SLC9A9: variants seen among roughly 807,000 people sequenced by gnomAD.
SLC9A9 encodes sodium/hydrogen exchanger 9.
In SLC9A9, 62 loss-of-function variants were observed where a neutral mutation model predicts 77.8. The ratio of observed to expected loss-of-function variants is 0.80; its 90% CI spans 0.65 to 0.98. The LOEUF (loss-of-function observed/expected upper bound fraction) is 0.98, where lower values mean the gene tolerates loss of function less well. SLC9A9 is among the 50% of genes least tolerant of loss of function. SLC9A9 has a pLI of 0.00. For missense variants in SLC9A9, 775 were observed against 774.9 expected (o/e 1.00, Z 0.00); for synonymous variants, 320 against 283.5 (o/e 1.13, Z -1.29).
At chr3:143,618,192 G>A (rs560042714) in intron 6 of SLC9A9, among the ~76,000 whole-genome samples, 2 of 152,276 alleles carry the variant, frequency 1.3e-5, no homozygotes, top group East Asian at 3.9e-4. Flanking sequence ...GCCCTCTTAG[G>A]GAATTCTCAA....
At chr3:143,310,023 A>G (rs1247045337) in intron 14 of SLC9A9, among the ~76,000 whole-genome samples, 2 of 152,228 alleles carry the variant, frequency 1.3e-5, no homozygotes, top group Non-Finnish European at 2.9e-5. Flanking sequence ...CACTTTTCAC[A>G]TGAACTGGCT....
chr3:143,567,746 C>T (rs919388547), intron 8 of SLC9A9, among the ~76,000 whole-genome samples: 7 of 152,114 alleles, frequency 4.6e-5, no homozygotes, highest in Admixed American at 3.3e-4. Context: ...AAAGTGAATG[C>T]AGGCCACGTG....
chr3:143,590,865 A>G (rs749681026), intron 6 of SLC9A9, among the ~76,000 whole-genome samples: 2 of 152,228 alleles, frequency 1.3e-5, no homozygotes, highest in Non-Finnish European at 2.9e-5. Context: ...CACATGCTAC[A>G]TAGAGATAAA....
At chr3:143,508,831 A>G (rs1576543800) in intron 9 of SLC9A9, among the ~76,000 whole-genome samples, 1 of 152,214 alleles carries the variant, frequency 6.6e-6, no homozygotes, top group African/African-American at 2.4e-5. Context: ...TTTACAATTT[A>G]GAAGGTGAAG....
At chr3:143,513,274 T>C (rs1270998573) in intron 9 of SLC9A9, among the ~76,000 whole-genome samples, 1 of 152,260 alleles carries the variant, frequency 6.6e-6, no homozygotes, top group Non-Finnish European at 1.5e-5. Flanking sequence ...TCTTTTGTTG[T>C]CATTTCAACA....
At chr3:143,712,494 G>A (rs1934225387) in intron 4 of SLC9A9, among the ~76,000 whole-genome samples, 1 of 152,186 alleles carries the variant, frequency 6.6e-6, no homozygotes, top group South Asian at 2.1e-4. Flanking sequence ...GGGGGTAACA[G>A]AGAAGTAAAC....
At chr3:143,539,875 TAAG>T (rs35120830) in intron 9 of SLC9A9, among the ~76,000 whole-genome samples, 1 of 123,848 alleles carries the variant, frequency 8.1e-6, no homozygotes, top group African/African-American at 3.1e-5. Flanking sequence ...AGTGAAAAAT[TAAG>T]AGAGAGAGAG....
chr3:143,794,865 A>G, intron 4 of SLC9A9, 136 bp downstream of exon 4: 2 of 807,952 alleles, frequency 2.5e-6, no homozygotes, highest in Non-Finnish European at 4.2e-6. Context: ...ATTAAGTCAG[A>G]AAAAACATAC....
rs188824199 is a variant in SLC9A9 at position 143,404,910 on chromosome 3, T to G, written c.1470-22796A>C. 1.9e-4 allele frequency among the ~76,000 whole-genome samples: 29 copies of G among 152,364 alleles called. No homozygotes were observed. The East Asian group carries it at 5.4e-3, about 28-fold the overall frequency. ...AAGATGTCCCTGGATCAGCGTAGCTTAATGTTCAGTTCGTGTTATTTTGGT... is the reference window on the plus strand; with the variant it reads ...AAGATGTCCCTGGATCAGCGTAGCTGAATGTTCAGTTCGTGTTATTTTGGT... On this transcript the variant is annotated intron_variant, in intron 12 of 15. Transcript: ENST00000316549.
At chr3:143,508,044 A>T (rs950297336) in intron 9 of SLC9A9, among the ~76,000 whole-genome samples, 11 of 152,236 alleles carry the variant, frequency 7.2e-5, no homozygotes, top group Admixed American at 4.6e-4. Context: ...GGATACAAAC[A>T]TGCAGTCCAT....
At position 143,557,987 on chromosome 3, in the gene SLC9A9, G is replaced by A. The variant is rs545182192; in HGVS notation, c.1001-5537C>T. On this transcript the variant is annotated intron_variant, in intron 8 of 15. Coordinates refer to ENST00000316549, the MANE Select transcript of SLC9A9 (RefSeq NM_173653.4). Reference sequence around the variant, plus strand: ...CCAAGGCATGTCAGAGACCTTCACAGCAGCCCCTCCCATCACAGGCCTGGA... The same window carrying A: ...CCAAGGCATGTCAGAGACCTTCACAACAGCCCCTCCCATCACAGGCCTGGA... 1.1e-4 allele frequency among the ~76,000 whole-genome samples: 17 copies of A among 152,358 alleles called. 1 individual carries two copies. The highest frequency in any genetic ancestry group is 4.1e-4 in the African/African-American group (17 of 41,582).
chr3:143,430,918 A>G (rs1294693998), intron 12 of SLC9A9, among the ~76,000 whole-genome samples: 4 of 152,164 alleles, frequency 2.6e-5, no homozygotes, highest in African/African-American at 9.7e-5. Flanking sequence ...TTCCCACAAC[A>G]TGGATACACA....
At chr3:143,783,552 T>C (rs1303996017) in intron 4 of SLC9A9, among the ~76,000 whole-genome samples, 3 of 152,184 alleles carry the variant, frequency 2.0e-5, no homozygotes, top group Non-Finnish European at 4.4e-5. Flanking sequence ...AATATTCACA[T>C]ATTTGTATGT....
intron 14 of SLC9A9, among the ~76,000 whole-genome samples, chr3:143,358,001 T>C (rs1352778552): frequency 4.1e-5 from 6 of 147,874 alleles, no homozygotes; most frequent in Non-Finnish European, 7.4e-5. Context: ...CTGTCAAGTT[T>C]TAGGAGGGGA....
chr3:143,493,620 C>CA (rs754303991), intron 11 of SLC9A9, 33 bp downstream of exon 11: 1 of 1,572,876 alleles, frequency 6.4e-7, no homozygotes, highest in Non-Finnish European at 8.8e-7. Context: ...GTGAGAAAAC[C>CA]AGCAGCACTA....
chr3:143,606,958 A>T (rs2037938675), intron 6 of SLC9A9, among the ~76,000 whole-genome samples: 1 of 150,348 alleles, frequency 6.7e-6, no homozygotes, highest in Non-Finnish European at 1.5e-5. Flanking sequence ...ATAAACACTC[A>T]GATTTGCTGT....
intron 5 of SLC9A9, among the ~76,000 whole-genome samples, chr3:143,658,103 G>A (rs2038922736): frequency 6.6e-6 from 1 of 152,150 alleles, no homozygotes; most frequent in African/African-American, 2.4e-5. Context: ...CTGACCTCAA[G>A]GGATCTGCCC....
At chr3:143,457,013 T>C (rs2035106145) in intron 12 of SLC9A9, among the ~76,000 whole-genome samples, 1 of 152,142 alleles carries the variant, frequency 6.6e-6, no homozygotes, top group African/African-American at 2.4e-5. Context: ...TTATCATCAG[T>C]TTAATGGCTG....
At chr3:143,301,716 C>T (rs2030527500) in intron 14 of SLC9A9, among the ~76,000 whole-genome samples, 1 of 152,162 alleles carries the variant, frequency 6.6e-6, no homozygotes, top group South Asian at 2.1e-4. Flanking sequence ...GCAGCTTCCC[C>T]TAGTGATTCT....
Sources: allele counts gnomAD v4.1 joint callset (sites outside exome capture counted in the v4.1 genomes callset), GRCh38; gene constraint gnomAD v4.1.1; transcripts MANE v1.5; gene names NCBI Gene and HGNC (gene_info 2026-07-23, HGNC 2026-07-21).